QRICH1: variants seen among roughly 807,000 people sequenced by gnomAD.
The protein encoded by QRICH1 is transcriptional regulator QRICH1.
A neutral mutation model predicts 87.1 loss-of-function variants in QRICH1; 16 were observed. The ratio of observed to expected loss-of-function variants is 0.18; its 90% CI spans 0.12 to 0.28. The LOEUF (loss-of-function observed/expected upper bound fraction) is 0.28, where lower values mean the gene tolerates loss of function less well. Among genes scored for constraint, QRICH1 ranks in the 10% least tolerant of loss-of-function variants. The probability of loss-of-function intolerance (pLI) is 1.00; values close to 1 mark genes in which losing one functional copy is unlikely to be tolerated. For synonymous variants in QRICH1, 367 were observed against 368.4 expected, an observed-to-expected ratio of 1.00 and a Z score of 0.05; for missense variants, 647 against 951.7, an observed-to-expected ratio of 0.68 and a Z score of 4.21.
chr3:49,035,843 G>A (rs1388663686), intron 6 of QRICH1, among the ~76,000 whole-genome samples: 1 of 151,568 alleles, frequency 6.6e-6, no homozygotes, highest in East Asian at 1.9e-4. Context: ...GGGAGGCCAA[G>A]GCAGGTGGAT....
At chr3:49,048,130 C>T (rs1334216911) in intron 3 of QRICH1, among the ~76,000 whole-genome samples, 2 of 142,106 alleles carry the variant, frequency 1.4e-5, no homozygotes, top group Admixed American at 7.1e-5. Context: ...TTCTTTCTTT[C>T]TTTTTTTTTT....
chr3:49,092,407 G>A (rs537952967), intron 1 of QRICH1: 1 of 152,110 alleles, frequency 6.6e-6, no homozygotes, highest in East Asian at 1.9e-4. Context: ...CAGTCACCAT[G>A]TTGCATGTAT....
At chr3:49,033,041 G>A (rs1172312919) in intron 7 of QRICH1, 79 bp downstream of exon 7, 13 of 1,151,998 alleles carry the variant, frequency 1.1e-5, no homozygotes, top group African/African-American at 3.2e-5. Context: ...ATATGTCAGA[G>A]GAATTCAGAA....
intron 3 of QRICH1, among the ~76,000 whole-genome samples, chr3:49,051,593 C>CG (rs1185602480): frequency 1.4e-5 from 2 of 139,874 alleles, no homozygotes; most frequent in African/African-American, 2.7e-5. Flanking sequence ...CGCCCCCCCC[C>CG]CCCTCCGCTT....
rs566906515 is a variant in QRICH1, at chr3:49,046,651, C to T, written c.1517-72G>A. Reference sequence around the variant, plus strand: ...TCTGGAAGGCTCAGAACAGATACTGCCCATCAGGGTGCTGGGATAGAAATG... The same window carrying T: ...TCTGGAAGGCTCAGAACAGATACTGTCCATCAGGGTGCTGGGATAGAAATG... On this transcript the variant is annotated intron_variant, in intron 4 of 9. Transcript: ENST00000395443. 12 of 1,501,376 alleles carry T rather than the reference C, an allele frequency of 8.0e-6. No individual in the cohort carries two copies. In the South Asian group the frequency reaches 1.5e-4, roughly 19 times the overall value. The allele number at this position is 1,501,376 out of a possible 1,614,324, so 93.0% of individuals were successfully genotyped here.
intron 2 of QRICH1, among the ~76,000 whole-genome samples, chr3:49,060,849 G>T (rs2106919205): frequency 6.6e-6 from 1 of 152,094 alleles, no homozygotes; most frequent in East Asian, 1.9e-4. Flanking sequence ...TCTAATGCCT[G>T]GCCAGGTGCA....
chr3:49,059,505 C>T (rs1463702075), intron 2 of QRICH1, among the ~76,000 whole-genome samples: 3 of 150,844 alleles, frequency 2.0e-5, no homozygotes, highest in African/African-American at 4.9e-5. Flanking sequence ...CTGCAACCTC[C>T]GCCTCCTGGG....
In QRICH1 at chr3:49,034,641, T is replaced by TC. The variant is rs1402714431; in HGVS notation, c.1787-1414dup. ...TGCCAGTATTTGAACTATTACAAGA[T>TC]CCCCCCCACAGGGCTGGTGTTACTG... On this transcript the variant is annotated intron_variant, in intron 6 of 9. Coordinates refer to ENST00000395443, the MANE Select transcript of QRICH1 (RefSeq NM_198880.3). Among the ~76,000 whole-genome samples, 7 of 151,158 alleles carry TC rather than the reference T, an allele frequency of 4.6e-5. No homozygotes were observed. The East Asian group carries it at 7.8e-4, about 17-fold the overall frequency.
intron 6 of QRICH1, among the ~76,000 whole-genome samples, chr3:49,041,850 G>T (rs180781481): frequency 6.6e-6 from 1 of 151,800 alleles, no homozygotes; most frequent in Non-Finnish European, 1.5e-5. Flanking sequence ...GGATGGTCTC[G>T]ATCTCCTGAT....
At chr3:49,093,350 G>C (rs1385622061) in intron 1 of QRICH1, 1 of 152,192 alleles carries the variant, frequency 6.6e-6, no homozygotes, top group Admixed American at 6.5e-5. Context: ...AAGCTGGTTG[G>C]TTTCTCTCCA....
intron 3 of QRICH1, among the ~76,000 whole-genome samples, chr3:49,050,317 G>A (rs1480249970): frequency 6.7e-6 from 1 of 148,760 alleles, no homozygotes; most frequent in East Asian, 1.9e-4. Context: ...CAGCTACTTG[G>A]GAGGCTGAGG....
chr3:49,041,930 TC>T (rs2093312642), intron 6 of QRICH1, among the ~76,000 whole-genome samples: 2 of 151,824 alleles, frequency 1.3e-5, no homozygotes, highest in African/African-American at 4.8e-5. Context: ...GAACCACAGC[TC>T]CCAGCCAATT....
intron 3 of QRICH1, among the ~76,000 whole-genome samples, chr3:49,054,901 AAAAT>A (rs2093391975): frequency 6.6e-6 from 1 of 152,218 alleles, no homozygotes; most frequent in African/African-American, 2.4e-5. Flanking sequence ...ACCTGTCTCA[AAAAT>A]AAATAAACTA....
intron 2 of QRICH1, among the ~76,000 whole-genome samples, chr3:49,067,755 C>T (rs779628939): frequency 7.9e-5 from 12 of 152,048 alleles, no homozygotes; most frequent in Non-Finnish European, 1.3e-4. Context: ...CCAAGGCAGG[C>T]GGATCACGAG....
chr3:49,072,913 G>A (rs562793030), intron 2 of QRICH1, among the ~76,000 whole-genome samples: 19 of 151,964 alleles, frequency 1.3e-4, no homozygotes, highest in East Asian at 3.9e-4. Flanking sequence ...ATGGTGGCAC[G>A]CACCTGTAGT....
chr3:49,034,109 A>ATTG (rs397753522), intron 6 of QRICH1, among the ~76,000 whole-genome samples: 1 of 150,852 alleles, frequency 6.6e-6, no homozygotes, highest in African/African-American at 2.4e-5. Context: ...TATTATTATT[A>ATTG]GCTAAGATAC....
Position 49,093,941 on chromosome 3 carries a change from G to GCCT in QRICH1, c.-54_-52dup. ...CGACGTCACTGCCGCCGCCGCCGCC[G>GCCT]CCTCCGCTGCACCCGCCGGCCCCGC... On this transcript the variant is annotated 5_prime_UTR_variant, in exon 1 of 10. Transcript: ENST00000395443. The GCCT allele has an allele frequency of 2.7e-6, 1 of 367,352 alleles. No individual in the cohort carries two copies. The highest frequency in any genetic ancestry group is 4.8e-6 in the Non-Finnish European group (1 of 207,888). The allele number at this position is 367,352 out of a possible 1,614,324, so 22.8% of individuals were successfully genotyped here.
rs372677893 is a variant in QRICH1, at chr3:49,069,575, T to C, written c.309+7134A>G. Among the ~76,000 whole-genome samples the C allele has an allele frequency of 9.2e-5, 12 of 130,734 alleles. 2 individuals are homozygous for C. Among genetic ancestry groups the C allele is most frequent in the African/African-American group, 3.3e-4 (11 of 33,820 alleles). 85.8% of individuals were successfully genotyped at this position (130,734 alleles called of 152,430 possible). A position where few individuals can be genotyped will look rare whatever the true frequency, so the allele number is the denominator to read the frequency against. ...TTTTTTTTTTTTTTTTGAGATAAAG[T>C]ATTCTCAAGCGATCCTTCCACCTCA... On this transcript the variant is annotated intron_variant, in intron 2 of 9. Transcript: ENST00000395443.
chr3:49,052,061 T>C (rs573097439), intron 3 of QRICH1, among the ~76,000 whole-genome samples: 2 of 152,324 alleles, frequency 1.3e-5, no homozygotes, highest in East Asian at 3.9e-4. Flanking sequence ...TCTTGTATTT[T>C]ATGATTATTC....
Sources: gnomAD v4.1 joint callset for allele counts (sites outside exome capture counted in the v4.1 genomes callset) on GRCh38, gnomAD v4.1.1 for gene constraint, MANE v1.5 for transcripts, NCBI Gene and HGNC (gene_info 2026-07-23, HGNC 2026-07-21) for gene names.